The following ZNF534 variants were observed in gnomAD, a reference collection of about 807,000 sequenced individuals.
The protein encoded by ZNF534 is KRAB domain only 3.
Under a neutral mutation model 13.6 loss-of-function variants are expected in ZNF534, and 19 were observed. That is an observed-to-expected ratio of 1.40 (90% CI 0.97 to 2.05). The LOEUF is 2.05. Ranked by LOEUF, ZNF534 falls within the 30% of genes most tolerant of loss-of-function variation. The pLI is 0.00. For missense variants in ZNF534, 782 were observed against 796.3 expected, an observed-to-expected ratio of 0.98 and a Z score of 0.22; for synonymous variants, 244 against 273.8, an observed-to-expected ratio of 0.89 and a Z score of 1.07.
At chr19:52,430,714 A>C (rs2059081465) in intron 1 of ZNF534, among the ~76,000 whole-genome samples, 1 of 149,658 alleles carries the variant, frequency 6.7e-6, no homozygotes, top group Admixed American at 6.7e-5. Flanking sequence ...TACCCAGCTA[A>C]ATTTTGTATT....
chr19:52,431,834 A>G (rs554224384), intron 2 of ZNF534, among the ~76,000 whole-genome samples: 57 of 148,038 alleles, frequency 3.9e-4, no homozygotes, highest in Admixed American at 3.4e-3. Flanking sequence ...GACTAAGACT[A>G]GAGAAGCTGC....
At chr19:52,451,865 TC>T in exon 5 of ZNF534, 2 of 741,732 alleles carry the variant, frequency 2.7e-6, no homozygotes, top group Non-Finnish European at 2.3e-6. Context: ...GATTTTTTAA[TC>T]CAGAAATAGA....
At position 52,439,443 on chromosome 19, in the gene ZNF534, T is replaced by G. The variant is rs1210295677; in HGVS notation, c.1983T>G (p.Pro661=). 2.7e-6 allele frequency: 4 copies of G among 1,508,774 alleles called. No individual in the cohort carries two copies. The highest frequency in any genetic ancestry group is 3.5e-6 in the Non-Finnish European group (4 of 1,127,070). The allele number at this position is 1,508,774 out of a possible 1,614,324, so 93.5% of individuals were successfully genotyped here. A position where few individuals can be genotyped will look rare whatever the true frequency, so the allele number is the denominator to read the frequency against. The change falls in exon 5 of 5, where the codon CCT becomes CCG. Residue 661 remains proline (P), a synonymous_variant. Transcript: ENST00000433050. ...GCAGTATTCATACCAGAGAGAAGCC[T>G]TAAAAATTTAGTGAAGCTGGCAGGG... ...QHCSIHTREK[P] is the part of the protein sequence containing the mutation.
chr19:52,433,636 G>C (rs1176448945), intron 2 of ZNF534, among the ~76,000 whole-genome samples: 1 of 152,204 alleles, frequency 6.6e-6, no homozygotes, highest in Non-Finnish European at 1.5e-5. Flanking sequence ...AAAATGCTGG[G>C]ATTACAGGCA....
chr19:52,439,332 T>C lies in ZNF534; in HGVS notation c.1872T>C (p.His624=). 6.4e-7 allele frequency: 1 copy of C among 1,553,980 alleles called. No homozygotes were observed. Among genetic ancestry groups the C allele is most frequent in the Non-Finnish European group, 8.7e-7 (1 of 1,148,246 alleles). ...GTCGGAATTCACGCCTTGCACAACA[T>C]AGGAATATTCATACTGGAGTGAAGC... is the stretch of plus-strand genomic sequence containing the variant. The part of the protein sequence containing the change: ...VFSRNSRLAQ[H]RNIHTGVKPY... The change falls in exon 5 of 5, where the codon CAT becomes CAC. Residue 624 remains histidine (H), a synonymous_variant. Coordinates refer to ENST00000433050, the MANE Select transcript of ZNF534 (RefSeq NM_001143938.3).
intron 1 of ZNF534, among the ~76,000 whole-genome samples, chr19:52,429,514 A>T (rs113566274): frequency 6.7e-6 from 1 of 149,436 alleles, no homozygotes; most frequent in Non-Finnish European, 1.5e-5. Flanking sequence ...AGTCTAGTTG[A>T]TTGAATCCAT....
chr19:52,445,468 A>T (rs945866785), downstream of ZNF534, among the ~76,000 whole-genome samples: 2 of 152,128 alleles, frequency 1.3e-5, no homozygotes, highest in Middle Eastern at 3.2e-3. Context: ...AGATGCTGGG[A>T]TTATAGGTGT....
At position 52,442,154 on chromosome 19, in the gene ZNF534, C is replaced by T. The variant is rs1287383562; in HGVS notation, c.*2708C>T. On this transcript the variant is annotated 3_prime_UTR_variant, in exon 5 of 5. Coordinates refer to ENST00000433050, the MANE Select transcript of ZNF534 (RefSeq NM_001143938.3). ...GGATTTAATTATTGTTTTCTTTTTT[C>T]CTAAAAGTGTTGGGAACAGGCCACC... Among the ~76,000 whole-genome samples the T allele has an allele frequency of 6.6e-6, 1 of 151,916 alleles. No individual in the cohort carries two copies. Among genetic ancestry groups the T allele is most frequent in the African/African-American group, 2.4e-5 (1 of 41,374 alleles).
intron 2 of ZNF534, among the ~76,000 whole-genome samples, chr19:52,433,207 C>T (rs901832085): frequency 6.3e-5 from 8 of 127,362 alleles, no homozygotes; most frequent in Admixed American, 9.6e-5. Context: ...CCCCTGCACT[C>T]CAGTCTGGGA....
chr19:52,433,353 C>G (rs1488724915), intron 2 of ZNF534, among the ~76,000 whole-genome samples: 1 of 125,092 alleles, frequency 8.0e-6, no homozygotes, highest in Non-Finnish European at 1.7e-5. Flanking sequence ...AAAATAAAAC[C>G]TAACATTTCT....
At chr19:52,429,567 A>G (rs1202544231) in intron 1 of ZNF534, among the ~76,000 whole-genome samples, 1 of 148,388 alleles carries the variant, frequency 6.7e-6, no homozygotes, top group Non-Finnish European at 1.5e-5. Context: ...TTTAGACTGT[A>G]TCTGCTCGTT....
Position 52,437,973 on chromosome 19 carries a change from A to G in ZNF534, c.513A>G (p.Thr171=), listed in dbSNP as rs113365979. Residue 171 remains threonine, a synonymous_variant, in exon 5 of 5, where the codon ACA becomes ACG. Coordinates refer to ENST00000433050, the MANE Select transcript of ZNF534 (RefSeq NM_001143938.3). ...ACAGAAATGATTTTCTTTTTTCTAC[A>G]TTACTCCCACAAGAACAGAAAGTAC... The part of the protein sequence containing the change: ...NNYRNDFLFS[T]LLPQEQKVHI... The G allele has an allele frequency of 5.0e-6, 8 of 1,613,712 alleles. No homozygotes were observed. The highest frequency in any genetic ancestry group is 1.3e-5 in the African/African-American group (1 of 74,880).
intron 4 of ZNF534, among the ~76,000 whole-genome samples, chr19:52,449,811 G>A (rs1267656054): frequency 6.6e-6 from 1 of 151,858 alleles, no homozygotes; most frequent in Admixed American, 6.5e-5. Context: ...CACGAGGTCA[G>A]GAGTTGAAGC....
In ZNF534 at chr19:52,437,931, C is replaced by T. The variant is rs1469354303; in HGVS notation, c.471C>T (p.Thr157=). 2.5e-6 allele frequency: 4 copies of T among 1,612,566 alleles called. No individual in the cohort carries two copies. The highest frequency in any genetic ancestry group is 2.5e-6 in the Non-Finnish European group (3 of 1,179,458). The change falls in exon 5 of 5, where the codon ACC becomes ACT. Residue 157 remains threonine (T), a synonymous_variant. Coordinates refer to ENST00000433050, the MANE Select transcript of ZNF534 (RefSeq NM_001143938.3). ...PVQISFFSVK[T]HIFNNYRNDF... is the part of the protein sequence containing the mutation. ...AAATAAGTTTTTTCAGTGTCAAAAC[C>T]CATATTTTTAATAACTACAGAAATG...
rs1173730456 is a variant in ZNF534, at chr19:52,441,689, CTG to C, written c.*2245_*2246del. 1.3e-5 allele frequency among the ~76,000 whole-genome samples: 2 copies of C among 152,200 alleles called. No individual in the cohort carries two copies. Among genetic ancestry groups the C allele is most frequent in the African/African-American group, 4.8e-5 (2 of 41,454 alleles). On this transcript the variant is annotated 3_prime_UTR_variant, in exon 5 of 5. Coordinates refer to ENST00000433050, the MANE Select transcript of ZNF534 (RefSeq NM_001143938.3). ...TCCATACTGCAGACAAACCTTACAA[CTG>C]TAATGAATGTGGCAAGGTCTCAAAT...
At chr19:52,445,219 CAG>C (rs761434108), downstream of ZNF534, among the ~76,000 whole-genome samples, 38 of 148,066 alleles carry the variant, frequency 2.6e-4, no homozygotes, top group Non-Finnish European at 4.7e-4. Context: ...TTTTTTGAGA[CAG>C]AGTCTTGCTC....
At chr19:52,433,879 AC>A (rs755643747) in intron 2 of ZNF534, 75 bp from the exon 3 acceptor site, 2 of 1,576,334 alleles carry the variant, frequency 1.3e-6, no homozygotes, top group Non-Finnish European at 1.7e-6. Flanking sequence ...GTGAGTCCTT[AC>A]AACTGTCTTC....
At chr19:52,433,605 A>G (rs2059106655) in intron 2 of ZNF534, among the ~76,000 whole-genome samples, 1 of 152,168 alleles carries the variant, frequency 6.6e-6, no homozygotes, top group Non-Finnish European at 1.5e-5. Flanking sequence ...TGACCTCGTG[A>G]TCCGACCGCC....
rs1201346935 is a variant in ZNF534 at position 52,451,206 on chromosome 19, G to A, written c.291G>A (p.Trp97Ter). ...CCATAGATTTTTCACTTCTGGCCTG[G>A]GACGCGCGCGTCTTCAGGGTGGAAG... is the stretch of plus-strand genomic sequence containing the variant. Residue 97 changes from tryptophan (W) to a stop codon, truncating the protein, a stop_gained, in exon 5 of 5, where the codon TGG (tryptophan) becomes TGA (stop). Transcript: ENST00000301085. LOFTEE classifies it low-confidence loss of function (END_TRUNC). The A allele has an allele frequency of 2.8e-6, 2 of 703,180 alleles. No individual in the cohort carries two copies. Among genetic ancestry groups the A allele is most frequent in the Non-Finnish European group, 5.3e-6 (2 of 380,372 alleles). The allele number at this position is 703,180 out of a possible 1,614,324, so 43.6% of individuals were successfully genotyped here. A position where few individuals can be genotyped will look rare whatever the true frequency, so the allele number is the denominator to read the frequency against.
Sources: allele counts gnomAD v4.1 joint callset (sites outside exome capture counted in the v4.1 genomes callset), GRCh38; gene constraint gnomAD v4.1.1; transcripts MANE v1.5; gene names NCBI Gene and HGNC (gene_info 2026-07-23, HGNC 2026-07-21).